The following ZNF521 variants were observed in gnomAD, a reference collection of about 807,000 sequenced individuals.
The protein encoded by ZNF521 is LYST-interacting protein 3.
A neutral mutation model predicts 105.5 loss-of-function variants in ZNF521; 14 were observed. The observed-to-expected ratio is 0.13, with a 90% CI of 0.09 to 0.21. The LOEUF is 0.21. Ranked by LOEUF, ZNF521 falls within the 10% of genes least tolerant of loss-of-function variation. ZNF521 has a pLI of 1.00. For synonymous variants in ZNF521, 635 were observed against 606.0 expected (o/e 1.05, Z -0.70); for missense variants, 1,233 against 1,629.7 (o/e 0.76, Z 4.19).
chr18:25,211,903 A>C (rs1381473365), intron 4 of ZNF521, among the ~76,000 whole-genome samples: 1 of 152,192 alleles, frequency 6.6e-6, no homozygotes, highest in Non-Finnish European at 1.5e-5. Flanking sequence ...GTAGAGATTC[A>C]ATTTTATTTT....
At chr18:25,069,780 A>G (rs1332723878) in intron 7 of ZNF521, among the ~76,000 whole-genome samples, 1 of 152,206 alleles carries the variant, frequency 6.6e-6, no homozygotes, top group Non-Finnish European at 1.5e-5. Context: ...TTGACTCATA[A>G]TCTTTACATT....
chr18:25,066,166 A>T (rs2033053603), intron 7 of ZNF521, among the ~76,000 whole-genome samples: 1 of 152,144 alleles, frequency 6.6e-6, no homozygotes, highest in Admixed American at 6.5e-5. Context: ...TTTTTGCTCC[A>T]GCCCAACAGA....
chr18:25,145,020 C>T (rs1304806274), intron 5 of ZNF521, among the ~76,000 whole-genome samples: 2 of 152,184 alleles, frequency 1.3e-5, no homozygotes, highest in Non-Finnish European at 2.9e-5. Context: ...GCTCTGCTGG[C>T]TGCAGATGAC....
At chr18:25,136,195 C>A (rs916008658) in intron 5 of ZNF521, among the ~76,000 whole-genome samples, 1 of 152,136 alleles carries the variant, frequency 6.6e-6, no homozygotes, top group African/African-American at 2.4e-5. Context: ...CATTTCTATG[C>A]AATTAATGCA....
chr18:25,253,737 T>C (rs1908275050), intron 3 of ZNF521, among the ~76,000 whole-genome samples: 2 of 152,236 alleles, frequency 1.3e-5, no homozygotes, highest in South Asian at 2.1e-4. Flanking sequence ...TAATAAGAAA[T>C]GATCAGCATG....
chr18:25,141,928 C>A (rs554952427), intron 5 of ZNF521, among the ~76,000 whole-genome samples: 1 of 152,054 alleles, frequency 6.6e-6, no homozygotes, highest in African/African-American at 2.4e-5. Flanking sequence ...TGCTCATTTG[C>A]GCCTGTCTGG....
chr18:25,267,331 G>C (rs1031347462), intron 3 of ZNF521, among the ~76,000 whole-genome samples: 2 of 152,186 alleles, frequency 1.3e-5, no homozygotes, highest in African/African-American at 4.8e-5. Context: ...CTTGGGGGAA[G>C]GGTCAGCTGT....
chr18:25,135,440 G>A (rs996880695), intron 5 of ZNF521, among the ~76,000 whole-genome samples: 2 of 152,012 alleles, frequency 1.3e-5, no homozygotes, highest in Non-Finnish European at 2.9e-5. Context: ...TGGGGGTTGG[G>A]CTGGAGACGG....
intron 2 of ZNF521, among the ~76,000 whole-genome samples, chr18:25,341,595 C>T (rs924329527): frequency 6.6e-6 from 1 of 152,168 alleles, no homozygotes; most frequent in African/African-American, 2.4e-5. Flanking sequence ...TTCAAGTGGA[C>T]ATATTTCCCT....
At chr18:25,224,046 T>C (rs1329389915) in intron 4 of ZNF521, 1 of 326,722 alleles carries the variant, frequency 3.1e-6, no homozygotes, top group Non-Finnish European at 5.7e-6. Context: ...GGTGAAGCTA[T>C]GCTGAGATTC....
chr18:25,305,054 T>C (rs950979315), intron 3 of ZNF521, among the ~76,000 whole-genome samples: 4 of 152,192 alleles, frequency 2.6e-5, no homozygotes, highest in Non-Finnish European at 5.9e-5. Context: ...AACAGGCAGT[T>C]ATCTTTATGG....
intron 3 of ZNF521, among the ~76,000 whole-genome samples, chr18:25,299,107 C>T (rs1911484704): frequency 6.6e-6 from 1 of 152,216 alleles, no homozygotes; most frequent in Non-Finnish European, 1.5e-5. Context: ...CTGCATCTGT[C>T]CCCATGTATA....
intron 5 of ZNF521, among the ~76,000 whole-genome samples, chr18:25,116,972 T>G (rs4405626): frequency 7.2e-5 from 10 of 138,214 alleles, no homozygotes; most frequent in African/African-American, 2.5e-4. Flanking sequence ...TGTATATATA[T>G]GTATATATAT....
At position 25,075,876 on chromosome 18, in the gene ZNF521, T is replaced by C. The variant is rs182984338; in HGVS notation, c.3907-13135A>G. 1.3e-4 allele frequency among the ~76,000 whole-genome samples: 20 copies of C among 152,340 alleles called. No homozygotes were observed. In the East Asian group the frequency reaches 3.5e-3, roughly 26 times the overall value. ...AGTCCTAGAAACGCTACAGAAAAAT[T>C]ACTTCAGGCTAGATTCCTAAGCTGC... On this transcript the variant is annotated intron_variant, in intron 7 of 7. Coordinates refer to ENST00000361524, the MANE Select transcript of ZNF521 (RefSeq NM_015461.3).
intron 3 of ZNF521, among the ~76,000 whole-genome samples, chr18:25,231,272 C>T (rs892998170): frequency 6.6e-6 from 1 of 152,178 alleles, no homozygotes; most frequent in Non-Finnish European, 1.5e-5. Context: ...TCAGGCTAGG[C>T]GCTTCTCTAG....
intron 3 of ZNF521, among the ~76,000 whole-genome samples, chr18:25,274,671 C>A (rs1909918621): frequency 6.6e-6 from 1 of 152,144 alleles, no homozygotes; most frequent in Non-Finnish European, 1.5e-5. Flanking sequence ...CTGTTGTGGG[C>A]AGGTACTTTG....
intron 4 of ZNF521, among the ~76,000 whole-genome samples, chr18:25,216,019 C>G (rs1014473627): frequency 6.6e-6 from 1 of 152,204 alleles, no homozygotes; most frequent in Admixed American, 6.5e-5. Flanking sequence ...TTTTTAAATA[C>G]TGTCTCTTTA....
At chr18:25,275,245 A>C (rs1309656377) in intron 3 of ZNF521, among the ~76,000 whole-genome samples, 1 of 152,192 alleles carries the variant, frequency 6.6e-6, no homozygotes, top group East Asian at 1.9e-4. Context: ...AGGTTTTGTA[A>C]AAGGATGAAC....
chr18:25,325,612 C>T (rs574184418), intron 2 of ZNF521, among the ~76,000 whole-genome samples: 1 of 152,272 alleles, frequency 6.6e-6, no homozygotes, highest in East Asian at 1.9e-4. Context: ...GCTGCAGGCA[C>T]CACTCTCTCT....
Sources: allele counts gnomAD v4.1 joint callset (sites outside exome capture counted in the v4.1 genomes callset), GRCh38; gene constraint gnomAD v4.1.1; transcripts MANE v1.5; gene names NCBI Gene and HGNC (gene_info 2026-07-23, HGNC 2026-07-21).